DPF2: variants seen among roughly 807,000 people sequenced by gnomAD.
DPF2 encodes zinc finger protein ubi-d4.
DPF2 carries 10 observed loss-of-function variants against 59.6 expected under a neutral mutation model. The ratio of observed to expected loss-of-function variants is 0.17; its 90% confidence interval spans 0.10 to 0.28. The LOEUF (loss-of-function observed/expected upper bound fraction) is 0.28, where lower values mean the gene tolerates loss of function less well. Among genes scored for constraint, DPF2 ranks in the 10% least tolerant of loss-of-function variants. The pLI, the probability that DPF2 is intolerant of heterozygous loss-of-function variation, is 1.00. For missense variants in DPF2, 315 were observed against 509.4 expected, an observed-to-expected ratio of 0.62 and a Z score of 3.67; for synonymous variants, 189 against 190.6, an observed-to-expected ratio of 0.99 and a Z score of 0.07.
At chr11:65,344,444 C>G (rs552519687) in intron 6 of DPF2, 3 of 784,200 alleles carry the variant, frequency 3.8e-6, no homozygotes, top group Non-Finnish European at 6.1e-6. Flanking sequence ...TGCCTTGCCC[C>G]ACTTCTGTCC....
chr11:65,337,496 T>G (rs1166707217), intron 1 of DPF2, among the ~76,000 whole-genome samples: 225 of 57,170 alleles, frequency 3.9e-3, no homozygotes, highest in Non-Finnish European at 5.5e-3. Context: ...TATATATATA[T>G]ATATATATAG....
intron 9 of DPF2, 176 bp downstream of exon 9, chr11:65,346,535 G>C: frequency 1.7e-6 from 1 of 592,452 alleles, no homozygotes; most frequent in Non-Finnish European, 3.0e-6. Flanking sequence ...TATATATTGA[G>C]TGCTGATTTT....
At chr11:65,340,083 G>A (rs930437903) in intron 1 of DPF2, among the ~76,000 whole-genome samples, 2 of 152,148 alleles carry the variant, frequency 1.3e-5, no homozygotes, top group East Asian at 3.8e-4. Context: ...CACAGGGGTG[G>A]GCTTGTGAGA....
chr11:65,341,840 T>G, intron 4 of DPF2: 1 of 268,280 alleles, frequency 3.7e-6, no homozygotes. Context: ...CCAGATGCAG[T>G]GGCTCATGCC....
chr11:65,349,720 C>T (rs681440), intron 10 of DPF2, among the ~76,000 whole-genome samples: 3,631 of 151,850 alleles, frequency 0.024, 148 homozygotes, highest in African/African-American at 0.082. Context: ...GGCGTGAACC[C>T]GGGAAGCGGA....
At chr11:65,345,079 G>T in intron 6 of DPF2, 1 of 185,272 alleles carries the variant, frequency 5.4e-6, no homozygotes, top group South Asian at 1.3e-4. Context: ...TGATTGGCAG[G>T]CCTGGACAGG....
intron 4 of DPF2, 197 bp downstream of exon 4, chr11:65,341,759 T>G: frequency 1.6e-6 from 1 of 640,462 alleles, no homozygotes; most frequent in Non-Finnish European, 2.6e-6. Flanking sequence ...TAGACTCTCA[T>G]TCATTCACTT....
In DPF2 at chr11:65,353,473, C is replaced by T. The variant is rs1452189048; in HGVS notation, c.*1714C>T. ...AGCAGGGTCTGTGTGGCTTCAGTTGCCTGCAGCGCTCCCAGGCCAGAGCAA... is the reference window on the plus strand; with the variant it reads ...AGCAGGGTCTGTGTGGCTTCAGTTGTCTGCAGCGCTCCCAGGCCAGAGCAA... On this transcript the variant is annotated 3_prime_UTR_variant, in exon 11 of 11. Coordinates refer to ENST00000528416, the MANE Select transcript of DPF2 (RefSeq NM_006268.5). 6.6e-6 allele frequency among the ~76,000 whole-genome samples: 1 copy of T among 152,202 alleles called. No individual in the cohort carries two copies. Among genetic ancestry groups the T allele is most frequent in the Admixed American group, 6.5e-5 (1 of 15,280 alleles).
intron 1 of DPF2, among the ~76,000 whole-genome samples, chr11:65,334,703 G>T (rs949327207): frequency 2.0e-5 from 3 of 152,214 alleles, no homozygotes; most frequent in Non-Finnish European, 2.9e-5. Context: ...ACTGCTTCCT[G>T]TGAGTTAAAG....
intron 1 of DPF2, among the ~76,000 whole-genome samples, chr11:65,336,084 A>T (rs543883928): frequency 8.2e-4 from 124 of 151,752 alleles, no homozygotes; most frequent in African/African-American, 2.3e-3. Flanking sequence ...AAGTGCTGGG[A>T]TTATAGGCGT....
intron 6 of DPF2, chr11:65,344,528 GTC>G: frequency 6.6e-7 from 1 of 1,520,896 alleles, no homozygotes; most frequent in Non-Finnish European, 8.8e-7. Context: ...TGCTGCTCCT[GTC>G]TCAAGTGTAT....
In DPF2 at chr11:65,340,504, G is replaced by A. The variant is rs762892440; in HGVS notation, c.152G>A (p.Ser51Asn). 2.7e-5 allele frequency: 43 copies of A among 1,614,120 alleles called. No homozygotes were observed. The highest frequency in any genetic ancestry group is 3.6e-5 in the Non-Finnish European group (42 of 1,180,048). Residue 51 changes from serine (S) to asparagine (N), a missense_variant, in exon 2 of 11, where the codon AGC (serine) becomes AAC (asparagine). Around this residue, in one of 4 missense-constraint regions of DPF2, gnomAD observed 228 missense variants for 275.3 expected, o/e 0.83. Coordinates refer to ENST00000528416, the MANE Select transcript of DPF2 (RefSeq NM_006268.5). The stretch of plus-strand genomic sequence containing the variant: ...GACTCACAGACCGGAGTAGCCCAGA[G>A]CAATTGTTACATCTGGATGGAAAAG... The part of the protein sequence containing the change: ...FLDSQTGVAQ[S>N]NCYIWMEKRH...
intron 1 of DPF2, 150 bp from the exon 2 acceptor site, chr11:65,340,235 A>G: frequency 1.2e-6 from 1 of 813,648 alleles, no homozygotes; most frequent in African/African-American, 1.7e-5. Context: ...TTCGTGTCCC[A>G]TGAGGCAGAA....
chr11:65,342,819 TG>T (rs1349008948), intron 4 of DPF2, among the ~76,000 whole-genome samples: 1 of 148,584 alleles, frequency 6.7e-6, no homozygotes, highest in East Asian at 2.0e-4. Flanking sequence ...GAGACCATCC[TG>T]GCTAACATGG....
intron 4 of DPF2, among the ~76,000 whole-genome samples, chr11:65,343,037 C>T (rs973989360): frequency 3.3e-5 from 5 of 150,298 alleles, no homozygotes; most frequent in Non-Finnish European, 7.4e-5. Flanking sequence ...CGGTGGCTGA[C>T]GCCTGTAATC....
chr11:65,343,893 T>C, intron 5 of DPF2, 56 bp downstream of exon 5: 5 of 1,592,146 alleles, frequency 3.1e-6, no homozygotes, highest in Non-Finnish European at 4.3e-6. Flanking sequence ...GGGAATTCCT[T>C]ATTTTATTTC....
chr11:65,338,607 C>T (rs1854276220), intron 1 of DPF2, among the ~76,000 whole-genome samples: 1 of 152,202 alleles, frequency 6.6e-6, no homozygotes, highest in South Asian at 2.1e-4. Flanking sequence ...CCCACAGAGG[C>T]AAGGCTGCCT....
At chr11:65,346,493 C>T in intron 9 of DPF2, 134 bp downstream of exon 9, 2 of 705,064 alleles carry the variant, frequency 2.8e-6, no homozygotes, top group South Asian at 1.9e-5. Flanking sequence ...CCCTCCCTAG[C>T]ATCTCAGTCA....
At chr11:65,339,957 G>A (rs1184701814) in intron 1 of DPF2, among the ~76,000 whole-genome samples, 1 of 152,200 alleles carries the variant, frequency 6.6e-6, no homozygotes, top group East Asian at 1.9e-4. Flanking sequence ...GGATGTGGGA[G>A]CATGTAGTTT....
Sources: allele counts gnomAD v4.1 joint callset (sites outside exome capture counted in the v4.1 genomes callset), GRCh38; gene constraint gnomAD v4.1.1; regional missense constraint gnomAD v4.1.1; transcripts MANE v1.5; gene names NCBI Gene and HGNC (gene_info 2026-07-23, HGNC 2026-07-21).